Variants in SYT16 observed in about 807,000 individuals in gnomAD.
The protein encoded by SYT16 is synaptotagmin-16.
Under a neutral mutation model 61.4 loss-of-function variants are expected in SYT16, and 42 were observed. The ratio of observed to expected loss-of-function variants is 0.68; its 90% CI spans 0.53 to 0.89. The LOEUF is 0.89. Ranked by LOEUF, SYT16 falls within the 40% of genes least tolerant of loss-of-function variation. SYT16 has a pLI of 0.00. For synonymous variants in SYT16, 314 were observed against 302.3 expected (o/e 1.04, Z -0.40); for missense variants, 804 against 807.3 (o/e 1.00, Z 0.05).
intron 1 of SYT16, among the ~76,000 whole-genome samples, chr14:61,898,511 T>C (rs1454442247): frequency 6.6e-6 from 1 of 152,170 alleles, no homozygotes; most frequent in Non-Finnish European, 1.5e-5. Flanking sequence ...TCAGATCTCA[T>C]GGAGGAAATC....
At chr14:61,894,962 CTG>C (rs1442042567) in intron 1 of SYT16, among the ~76,000 whole-genome samples, 3 of 152,222 alleles carry the variant, frequency 2.0e-5, no homozygotes, top group Non-Finnish European at 4.4e-5. Context: ...GGCTCCAACA[CTG>C]TCTCAAAGCA....
At chr14:61,853,561 G>C (rs2046683228) in intron 1 of SYT16, among the ~76,000 whole-genome samples, 1 of 152,156 alleles carries the variant, frequency 6.6e-6, no homozygotes, top group Non-Finnish European at 1.5e-5. Flanking sequence ...TCTACACAGG[G>C]AGAAGGTACC....
intron 4 of SYT16, among the ~76,000 whole-genome samples, chr14:62,070,049 G>T (rs2056240175): frequency 6.6e-6 from 1 of 152,122 alleles, no homozygotes; most frequent in Admixed American, 6.5e-5. Flanking sequence ...CTAGGTTGTG[G>T]GACCCCTTCC....
chr14:62,070,144 GA>G (rs1483876455), intron 4 of SYT16, among the ~76,000 whole-genome samples: 3 of 152,092 alleles, frequency 2.0e-5, no homozygotes, highest in African/African-American at 7.2e-5. Flanking sequence ...TGATAGATAC[GA>G]AAATGTCACG....
At chr14:62,031,848 G>C (rs760370898) in intron 3 of SYT16, among the ~76,000 whole-genome samples, 1 of 152,132 alleles carries the variant, frequency 6.6e-6, no homozygotes, top group Non-Finnish European at 1.5e-5. Context: ...TTCACCCAAA[G>C]AGGAAGGCTT....
At chr14:62,001,375 G>A (rs976558303) in intron 3 of SYT16, among the ~76,000 whole-genome samples, 5 of 151,922 alleles carry the variant, frequency 3.3e-5, no homozygotes, top group Non-Finnish European at 7.4e-5. Context: ...ATAGAATGTT[G>A]GTTGACAGTC....
rs764769135 is a variant in SYT16 at position 62,074,932 on chromosome 14, C to T, written c.737-203C>T. Among the ~76,000 whole-genome samples, 29 of 152,104 alleles carry T rather than the reference C, an allele frequency of 1.9e-4. 1 individual carries two copies. The highest frequency in any genetic ancestry group is 2.9e-4 in the African/African-American group (12 of 41,410). ...TTAAAAAGTATTAAGCCTTCTGATA[C>T]GCCACATAATGAGATAATGTTCTTT... On this transcript the variant is annotated intron_variant, in intron 4 of 7. Transcript: ENST00000683842.
chr14:62,097,978 G>A (rs1430398879), intron 7 of SYT16, among the ~76,000 whole-genome samples: 2 of 152,202 alleles, frequency 1.3e-5, no homozygotes, highest in Admixed American at 6.5e-5. Flanking sequence ...AGCTTTTTCT[G>A]TAGAACAGTT....
chr14:61,905,761 C>CT (rs869094269), intron 1 of SYT16, among the ~76,000 whole-genome samples: 90 of 2,610 alleles, frequency 0.034, 1 homozygote, highest in South Asian at 0.083. Flanking sequence ...TCTTCTTCTT[C>CT]TTTTTTTTTT....
chr14:62,093,290 A>G (rs1271894934), intron 7 of SYT16, among the ~76,000 whole-genome samples: 4 of 152,166 alleles, frequency 2.6e-5, no homozygotes, highest in East Asian at 1.9e-4. Flanking sequence ...AACCAATTCA[A>G]TAGAAAGCAG....
At chr14:61,829,867 GA>G (rs2045884889) in intron 1 of SYT16, among the ~76,000 whole-genome samples, 1 of 151,918 alleles carries the variant, frequency 6.6e-6, no homozygotes, top group Non-Finnish European at 1.5e-5. Flanking sequence ...TGTTAGCCAG[GA>G]TGGTCTCGAT....
intron 1 of SYT16, among the ~76,000 whole-genome samples, chr14:61,849,817 CT>C (rs903235482): frequency 2.0e-5 from 3 of 152,088 alleles, no homozygotes; most frequent in African/African-American, 7.2e-5. Flanking sequence ...TATGTAGGTG[CT>C]TTTTTGTGTG....
chr14:62,082,601 G>A (rs1418767525), intron 6 of SYT16, among the ~76,000 whole-genome samples: 1 of 152,154 alleles, frequency 6.6e-6, no homozygotes, highest in African/African-American at 2.4e-5. Flanking sequence ...GCCAGAATGA[G>A]CTTTTTAAAG....
At chr14:62,043,330 G>A (rs2054817286) in intron 3 of SYT16, among the ~76,000 whole-genome samples, 1 of 151,374 alleles carries the variant, frequency 6.6e-6, no homozygotes, top group African/African-American at 2.4e-5. Context: ...CTCAGGTTGA[G>A]AAAGTTATCT....
At chr14:61,835,751 A>G (rs1279959115) in intron 1 of SYT16, among the ~76,000 whole-genome samples, 1 of 152,188 alleles carries the variant, frequency 6.6e-6, no homozygotes, top group Non-Finnish European at 1.5e-5. Context: ...AAATTTCCCT[A>G]CAGAAGGATT....
intron 1 of SYT16, among the ~76,000 whole-genome samples, chr14:61,864,324 G>A (rs559013749): frequency 6.6e-6 from 1 of 152,350 alleles, no homozygotes; most frequent in South Asian, 2.1e-4. Flanking sequence ...ACCGCAGCCA[G>A]AACGACTGGT....
chr14:62,051,251 G>C (rs530197674), intron 3 of SYT16, among the ~76,000 whole-genome samples: 6 of 152,224 alleles, frequency 3.9e-5, no homozygotes, highest in African/African-American at 7.2e-5. Flanking sequence ...AGGCTGTGTC[G>C]GCTTAGGACC....
At chr14:61,905,639 G>A (rs913146313) in intron 1 of SYT16, among the ~76,000 whole-genome samples, 1 of 152,132 alleles carries the variant, frequency 6.6e-6, no homozygotes, top group African/African-American at 2.4e-5. Flanking sequence ...TCCACACCCC[G>A]GGTCTCTTTG....
Position 62,077,362 on chromosome 14 carries a change from T to C in SYT16, c.993+1971T>C, listed in dbSNP as rs150150116. Among the ~76,000 whole-genome samples, 14 of 152,358 alleles carry C rather than the reference T, an allele frequency of 9.2e-5. No individual in the cohort carries two copies. The East Asian group carries it at 2.5e-3, about 27-fold the overall frequency. On this transcript the variant is annotated intron_variant, in intron 5 of 7. Transcript: ENST00000683842. Reference sequence around the variant, plus strand: ...TCTCAGCAGGAAACTGGTCGTGCAGTGTGACTACCTGTTAGGCTGATGGAT... The same window carrying C: ...TCTCAGCAGGAAACTGGTCGTGCAGCGTGACTACCTGTTAGGCTGATGGAT...
Sources: gnomAD v4.1 joint callset for allele counts (sites outside exome capture counted in the v4.1 genomes callset) on GRCh38, gnomAD v4.1.1 for gene constraint, MANE v1.5 for transcripts, NCBI Gene and HGNC (gene_info 2026-07-23, HGNC 2026-07-21) for gene names.